STIM2: variants seen among roughly 807,000 people sequenced by gnomAD.
The protein encoded by STIM2 is stromal interaction molecule 2.
STIM2 carries 31 observed loss-of-function variants against 85.8 expected under a neutral mutation model. That is an observed-to-expected ratio of 0.36 (90% CI 0.27 to 0.49). STIM2 has a LOEUF of 0.49. Ranked by LOEUF, STIM2 falls within the 20% of genes least tolerant of loss-of-function variation. STIM2 has a pLI of 0.98. For missense variants in STIM2, 841 were observed against 927.6 expected (o/e 0.91, Z 1.21); for synonymous variants, 356 against 331.1 (o/e 1.08, Z -0.82).
intron 2 of STIM2, among the ~76,000 whole-genome samples, chr4:26,952,804 G>A (rs1577459296): frequency 6.6e-6 from 1 of 152,098 alleles, no homozygotes; most frequent in African/African-American, 2.4e-5. Flanking sequence ...TGAGCATGGT[G>A]GTGAAGAACT....
At chr4:26,965,346 C>T (rs1726675248) in intron 3 of STIM2, among the ~76,000 whole-genome samples, 1 of 152,058 alleles carries the variant, frequency 6.6e-6, no homozygotes, top group Non-Finnish European at 1.5e-5. Flanking sequence ...CATGGGTTTG[C>T]TAGAAAAATA....
intron 8 of STIM2, 141 bp downstream of exon 8, chr4:27,007,841 A>G (rs1481948495): frequency 3.4e-6 from 3 of 885,686 alleles, no homozygotes; most frequent in Non-Finnish European, 3.4e-6. Context: ...TATTGTGTAA[A>G]TAGACTCTAG....
In STIM2 at chr4:26,861,194, G is replaced by T; in HGVS notation, c.-25G>T. The T allele has an allele frequency of 2.1e-6, 3 of 1,447,182 alleles. No homozygotes were observed. The highest frequency in any genetic ancestry group is 2.7e-5 in the South Asian group (2 of 73,824). 89.6% of individuals were successfully genotyped at this position (1,447,182 alleles called of 1,614,324 possible). A position where few individuals can be genotyped will look rare whatever the true frequency, so the allele number is the denominator to read the frequency against. ...CTCCTGGCCCAGCGTGGGGCTGGCT[G>T]CTGCGGCGGCGGCGCTGGGCTGCGT... On this transcript the variant is annotated 5_prime_UTR_variant, in exon 1 of 12. Coordinates refer to ENST00000467087, the MANE Select transcript of STIM2 (RefSeq NM_020860.4).
At chr4:27,018,525 C>T (rs1728810314) in intron 11 of STIM2, among the ~76,000 whole-genome samples, 1 of 152,186 alleles carries the variant, frequency 6.6e-6, no homozygotes, top group South Asian at 2.1e-4. Flanking sequence ...AATAATCTCT[C>T]TATATTAACA....
intron 3 of STIM2, among the ~76,000 whole-genome samples, chr4:26,983,871 A>G (rs1291278743): frequency 1.3e-5 from 2 of 152,220 alleles, no homozygotes; most frequent in Non-Finnish European, 2.9e-5. Flanking sequence ...ATTACTGTGC[A>G]GTCAGTAAAT....
At chr4:26,945,542 G>A (rs2109084667) in intron 2 of STIM2, among the ~76,000 whole-genome samples, 1 of 152,224 alleles carries the variant, frequency 6.6e-6, no homozygotes, top group South Asian at 2.1e-4. Context: ...TTCCACAATG[G>A]TTGAACTAAT....
chr4:27,000,906 T>C (rs192670146), intron 5 of STIM2, among the ~76,000 whole-genome samples: 48 of 152,192 alleles, frequency 3.2e-4, no homozygotes, highest in Admixed American at 1.1e-3. Flanking sequence ...GGTCAGAGAA[T>C]AGGGCTCACA....
At chr4:26,933,733 C>CAAAAAAAAAAAAAAAAAAAAACAAAAAAA (rs1725285941) in intron 2 of STIM2, among the ~76,000 whole-genome samples, 1 of 47,764 alleles carries the variant, frequency 2.1e-5, no homozygotes, top group Non-Finnish European at 4.5e-5. Context: ...GACCTGATCT[C>CAAAAAAAAAAAAAAAAAAAAACAAAAAAA]AAAAAAAAAA....
At chr4:26,995,905 A>G (rs1255968992) in intron 4 of STIM2, among the ~76,000 whole-genome samples, 2 of 152,092 alleles carry the variant, frequency 1.3e-5, no homozygotes, top group African/African-American at 4.8e-5. Flanking sequence ...TATGGCGTCT[A>G]TACGTTATAC....
At chr4:27,005,125 C>G (rs1186662493) in intron 7 of STIM2, among the ~76,000 whole-genome samples, 2 of 152,154 alleles carry the variant, frequency 1.3e-5, no homozygotes, top group African/African-American at 2.4e-5. Context: ...TGACATAACC[C>G]ACAATTCCAC....
In STIM2 at chr4:26,995,398, A is replaced by G; in HGVS notation, c.417A>G (p.Glu139=). 2 of 1,588,326 alleles carry G rather than the reference A, an allele frequency of 1.3e-6. No homozygotes were observed. Among genetic ancestry groups the G allele is most frequent in the Non-Finnish European group, 1.7e-6 (2 of 1,168,520 alleles). The change falls in exon 4 of 12, where the codon GAA becomes GAG. Residue 139 remains glutamate, a synonymous_variant. Coordinates refer to ENST00000467087, the MANE Select transcript of STIM2 (RefSeq NM_020860.4). ...CTGCAGTTCATAATTGGACCCTTGA[A>G]GACACTCTTCAGTGGTTGATAGAGT...
chr4:26,967,240 G>A (rs766648772), intron 3 of STIM2, among the ~76,000 whole-genome samples: 7 of 152,138 alleles, frequency 4.6e-5, no homozygotes, highest in South Asian at 2.1e-4. Context: ...TTGCATAAGG[G>A]CAATGTTCTA....
chr4:26,881,300 T>C (rs1012339632), intron 1 of STIM2, among the ~76,000 whole-genome samples: 3 of 151,996 alleles, frequency 2.0e-5, no homozygotes, highest in African/African-American at 7.2e-5. Flanking sequence ...ACCCCGTCTT[T>C]ACTAAAAATA....
In STIM2 at chr4:26,861,206, G is replaced by A; in HGVS notation, c.-13G>A. On this transcript the variant is annotated 5_prime_UTR_variant, in exon 1 of 12. Coordinates refer to ENST00000467087, the MANE Select transcript of STIM2 (RefSeq NM_020860.4). ...CGTGGGGCTGGCTGCTGCGGCGGCG[G>A]CGCTGGGCTGCGTTGCTGGTGCTCG... The A allele has an allele frequency of 1.4e-6, 2 of 1,468,576 alleles. No homozygotes were observed. The highest frequency in any genetic ancestry group is 2.9e-5 in the East Asian group (1 of 34,156). The allele number at this position is 1,468,576 out of a possible 1,614,324, so 91.0% of individuals were successfully genotyped here. A position where few individuals can be genotyped will look rare whatever the true frequency, so the allele number is the denominator to read the frequency against.
At chr4:26,873,821 C>T (rs917990526) in intron 1 of STIM2, 68 of 902,650 alleles carry the variant, frequency 7.5e-5, no homozygotes, top group African/African-American at 3.8e-4. Context: ...GGCAGACTCC[C>T]GCCTCAACCG....
intron 2 of STIM2, 87 bp from the exon 3 acceptor site, chr4:26,957,525 C>A: frequency 1.4e-6 from 1 of 726,382 alleles, no homozygotes; most frequent in Non-Finnish European, 2.1e-6. Flanking sequence ...AATAGTCACC[C>A]ACTGGATATC....
intron 4 of STIM2, among the ~76,000 whole-genome samples, chr4:26,998,298 C>A (rs1728030174): frequency 6.6e-6 from 1 of 152,128 alleles, no homozygotes; most frequent in Admixed American, 6.5e-5. Flanking sequence ...CCTGTGCCTC[C>A]TACGTGCTTT....
At chr4:26,931,867 C>A (rs1234242352) in intron 2 of STIM2, among the ~76,000 whole-genome samples, 3 of 152,050 alleles carry the variant, frequency 2.0e-5, no homozygotes, top group Non-Finnish European at 2.9e-5. Context: ...AATCAGCACA[C>A]AATTAAAGTA....
intron 1 of STIM2, among the ~76,000 whole-genome samples, chr4:26,904,583 G>A (rs893379935): frequency 2.4e-4 from 36 of 152,156 alleles, no homozygotes; most frequent in African/African-American, 8.0e-4. Context: ...GGTTATAGGT[G>A]ATCTTGACCA....
Sources: allele counts gnomAD v4.1 joint callset (sites outside exome capture counted in the v4.1 genomes callset), GRCh38; gene constraint gnomAD v4.1.1; transcripts MANE v1.5; gene names NCBI Gene and HGNC (gene_info 2026-07-23, HGNC 2026-07-21).